The following SACM1L variants were observed in gnomAD, a reference collection of about 807,000 sequenced individuals.
SACM1L encodes the protein phosphatidylinositol-3-phosphatase SAC1.
A neutral mutation model predicts 89.5 loss-of-function variants in SACM1L; 32 were observed. That is an observed-to-expected ratio of 0.36 (90% confidence interval 0.27 to 0.48). The LOEUF is 0.48. SACM1L is among the 20% of genes least tolerant of loss of function. The pLI is 0.99. For missense variants in SACM1L, 543 were observed against 708.5 expected, an observed-to-expected ratio of 0.77 and a Z score of 2.65; for synonymous variants, 213 against 232.8, an observed-to-expected ratio of 0.92 and a Z score of 0.77.
Position 45,732,106 on chromosome 3 carries a change from T to G in SACM1L, c.1055T>G (p.Leu352Arg). Residue 352 changes from leucine to arginine, a missense_variant, in exon 13 of 20, where the codon CTA (leucine) becomes CGA (arginine). Coordinates refer to ENST00000389061, the MANE Select transcript of SACM1L (RefSeq NM_014016.5). ...KECKNMRWDR[L>R]SILLDQVAEM... Reference sequence around the variant, plus strand: ...TGTAAAAATATGAGATGGGATCGACTAAGTATTTTATTGGATCAGGTAGCA... The same window carrying G: ...TGTAAAAATATGAGATGGGATCGACGAAGTATTTTATTGGATCAGGTAGCA... 1 of 1,606,272 alleles carries G rather than the reference T, an allele frequency of 6.2e-7. No homozygotes were observed. Among genetic ancestry groups the G allele is most frequent in the South Asian group, 1.1e-5 (1 of 89,494 alleles).
intron 3 of SACM1L, 129 bp downstream of exon 3, chr3:45,705,338 G>T: frequency 2.1e-6 from 1 of 472,826 alleles, no homozygotes; most frequent in Non-Finnish European, 3.8e-6. Context: ...TCTTGGTTAA[G>T]TATTTATCAT....
intron 19 of SACM1L, among the ~76,000 whole-genome samples, chr3:45,741,453 G>A (rs1051262781): frequency 2.6e-5 from 4 of 152,084 alleles, no homozygotes; most frequent in Non-Finnish European, 2.9e-5. Context: ...CACTGGATCA[G>A]CAACTTTTTG....
intron 1 of SACM1L, chr3:45,690,419 T>C (rs1201694611): frequency 6.6e-6 from 1 of 152,232 alleles, no homozygotes. Context: ...TTTTAGAAGC[T>C]TATCTATCCC....
intron 2 of SACM1L, among the ~76,000 whole-genome samples, chr3:45,704,825 A>ACAGTTTCTTAGC (rs995750647): frequency 6.6e-6 from 1 of 152,348 alleles, no homozygotes; most frequent in Admixed American, 6.5e-5. Flanking sequence ...TGACTTGCTG[A>ACAGTTTCTTAGC]CAGTTTCTTA....
chr3:45,741,228 C>G (rs535383918), intron 19 of SACM1L, among the ~76,000 whole-genome samples: 25 of 152,172 alleles, frequency 1.6e-4, no homozygotes, highest in Non-Finnish European at 3.1e-4. Flanking sequence ...CATATGCTCC[C>G]CTCTCACAGA....
At chr3:45,722,118 G>A in intron 9 of SACM1L, 33 bp downstream of exon 9, 1 of 1,334,546 alleles carries the variant, frequency 7.5e-7, no homozygotes, top group Middle Eastern at 1.8e-4. Context: ...CAGTCAGCGA[G>A]TTGGCCTTTT....
chr3:45,739,766 A>G, intron 19 of SACM1L, 122 bp downstream of exon 19: 1 of 868,774 alleles, frequency 1.2e-6, no homozygotes, highest in Non-Finnish European at 1.9e-6. Flanking sequence ...GGTAAAGTGG[A>G]TGTGACATTA....
intron 12 of SACM1L, 107 bp from the exon 13 acceptor site, chr3:45,731,946 A>G: frequency 1.5e-6 from 1 of 645,800 alleles, no homozygotes; most frequent in East Asian, 2.7e-5. Flanking sequence ...TTCCCAAGAA[A>G]TATGTATGCA....
chr3:45,695,997 CTT>C (rs56074379), intron 1 of SACM1L, among the ~76,000 whole-genome samples: 18,620 of 133,588 alleles, frequency 0.14, 984 homozygotes, highest in Non-Finnish European at 0.17. Flanking sequence ...TCAGAATTTC[CTT>C]TTTTTTTTTT....
chr3:45,711,882 A>G (rs1476812959), intron 5 of SACM1L, among the ~76,000 whole-genome samples: 2 of 152,044 alleles, frequency 1.3e-5, no homozygotes, highest in East Asian at 3.8e-4. Context: ...CATTTTTACT[A>G]TGTTCTTTTA....
At chr3:45,734,178 C>T (rs1699142913) in intron 13 of SACM1L, among the ~76,000 whole-genome samples, 1 of 140,798 alleles carries the variant, frequency 7.1e-6, no homozygotes, top group African/African-American at 2.7e-5. Context: ...TTTGGGAAGC[C>T]AAGGCAGACG....
intron 8 of SACM1L, 75 bp downstream of exon 8, chr3:45,719,676 T>C (rs1698745499): frequency 1.2e-6 from 1 of 816,018 alleles, no homozygotes; most frequent in Admixed American, 2.8e-5. Flanking sequence ...TAACCTTTTG[T>C]ATTTTATTTG....
At chr3:45,706,932 T>C (rs1229906773) in intron 4 of SACM1L, 25 bp downstream of exon 4, 3 of 1,610,452 alleles carry the variant, frequency 1.9e-6, no homozygotes, top group Non-Finnish European at 2.5e-6. Flanking sequence ...TTGTTACTAA[T>C]TGCAGCGCCC....
intron 1 of SACM1L, chr3:45,690,183 T>G (rs557956756): frequency 6.6e-6 from 1 of 152,410 alleles, no homozygotes; most frequent in East Asian, 1.9e-4. Context: ...ACAGAGGCTG[T>G]GGTTGTTAAG....
intron 5 of SACM1L, 136 bp downstream of exon 5, chr3:45,709,783 C>A: frequency 1.3e-6 from 1 of 747,824 alleles, no homozygotes. Context: ...GAAAATATAC[C>A]CTGTTTTAAA....
At chr3:45,716,487 G>A (rs184672874) in intron 7 of SACM1L, among the ~76,000 whole-genome samples, 1 of 152,218 alleles carries the variant, frequency 6.6e-6, no homozygotes, top group East Asian at 1.9e-4. Flanking sequence ...TTGGAGAAGG[G>A]GAAAATTGGT....
chr3:45,735,381 T>G lies in SACM1L; in HGVS notation c.1239+8T>G. On this transcript the variant is annotated splice_region_variant and intron_variant, in intron 14 of 19. Coordinates refer to ENST00000389061, the MANE Select transcript of SACM1L (RefSeq NM_014016.5). The stretch of plus-strand genomic sequence containing the variant: ...CTTCAGGCCCAACTTCAGGTGCGAA[T>G]GCTTTTTTTTTTTTTAATTGAAAAA... 1 of 1,488,910 alleles carries G rather than the reference T, an allele frequency of 6.7e-7. No homozygotes were observed. The highest frequency in any genetic ancestry group is 8.9e-7 in the Non-Finnish European group (1 of 1,119,846). The allele number at this position is 1,488,910 out of a possible 1,614,324, so 92.2% of individuals were successfully genotyped here.
At chr3:45,717,881 A>C (rs1559544220) in intron 7 of SACM1L, among the ~76,000 whole-genome samples, 1 of 152,224 alleles carries the variant, frequency 6.6e-6, no homozygotes. Flanking sequence ...GTGCCACTGC[A>C]CTCCAGCCTG....
chr3:45,737,587 T>C lies in SACM1L; in HGVS notation c.1244T>C (p.Leu415Pro). ...RRSLQAQLQR[L>P]GVLHVGQKLE... ...GGGTGTGGTTTTTTATTCCAGAGAC[T>C]AGGAGTTTTGCATGTGGGACAAAAG... Residue 415 changes from leucine to proline, a missense_variant, in exon 15 of 20, where the codon CTA (leucine) becomes CCA (proline). Leu to Pro is a moderately conservative substitution (Grantham distance 98, BLOSUM62 -3). This residue lies in a region of SACM1L where 370 missense variants were observed against 527.6 expected (regional missense o/e 0.70). Coordinates refer to ENST00000389061, the MANE Select transcript of SACM1L (RefSeq NM_014016.5). 1 of 1,595,556 alleles carries C rather than the reference T, an allele frequency of 6.3e-7. No homozygotes were observed. Among genetic ancestry groups the C allele is most frequent in the Non-Finnish European group, 8.5e-7 (1 of 1,175,578 alleles).
Sources: gnomAD v4.1 joint callset for allele counts (sites outside exome capture counted in the v4.1 genomes callset) on GRCh38, gnomAD v4.1.1 for gene constraint, gnomAD v4.1.1 regional missense constraint, MANE v1.5 for transcripts, NCBI Gene and HGNC (gene_info 2026-07-23, HGNC 2026-07-21) for gene names.